The following HOXC4 variants were observed in gnomAD, a reference collection of about 807,000 sequenced individuals.
The protein encoded by HOXC4 is homeobox C4.
A neutral mutation model predicts 25.5 loss-of-function variants in HOXC4; 15 were observed. The observed-to-expected ratio is 0.59, with a 90% CI of 0.39 to 0.91. The LOEUF (loss-of-function observed/expected upper bound fraction) is 0.91, where lower values mean the gene tolerates loss of function less well. Ranked by LOEUF, HOXC4 falls within the 40% of genes least tolerant of loss-of-function variation. The pLI is 0.00. For synonymous variants in HOXC4, 165 were observed against 148.0 expected (o/e 1.11, Z -0.83); for missense variants, 342 against 352.4 (o/e 0.97, Z 0.24).
intron 1 of HOXC4, among the ~76,000 whole-genome samples, chr12:54,024,142 G>A (rs773753251): frequency 2.0e-5 from 3 of 152,188 alleles, no homozygotes; most frequent in Admixed American, 6.5e-5. Context: ...ACTGAAACTC[G>A]GCTTTCTCCG....
chr12:54,032,701 G>A (rs1002445805), intron 1 of HOXC4, among the ~76,000 whole-genome samples: 57 of 152,276 alleles, frequency 3.7e-4, no homozygotes, highest in African/African-American at 1.3e-3. Context: ...CCAGCCACCG[G>A]AAAGCAAGCT....
At chr12:54,042,593 A>C (rs1941293181) in intron 1 of HOXC4, among the ~76,000 whole-genome samples, 1 of 152,092 alleles carries the variant, frequency 6.6e-6, no homozygotes, top group Non-Finnish European at 1.5e-5. Context: ...CTGAAACATC[A>C]TTGTTCTAGG....
chr12:54,027,796 G>A (rs1345181220), intron 1 of HOXC4, among the ~76,000 whole-genome samples: 1 of 152,142 alleles, frequency 6.6e-6, no homozygotes, highest in Non-Finnish European at 1.5e-5. Context: ...CTGAAGTCTT[G>A]CCCCTTTAGA....
intron 1 of HOXC4, chr12:54,021,203 C>G (rs958171915): frequency 2.0e-5 from 3 of 152,272 alleles, no homozygotes. Flanking sequence ...CCCAGCCGGC[C>G]GCTCACCCCG....
At chr12:54,024,597 G>C (rs939230094) in intron 1 of HOXC4, among the ~76,000 whole-genome samples, 6 of 152,144 alleles carry the variant, frequency 3.9e-5, no homozygotes, top group Non-Finnish European at 8.8e-5. Flanking sequence ...ATTTCCCAGA[G>C]CTGAGTGGAA....
At chr12:54,025,674 G>C (rs563996173) in intron 1 of HOXC4, among the ~76,000 whole-genome samples, 196 of 151,946 alleles carry the variant, frequency 1.3e-3, no homozygotes, top group African/African-American at 4.5e-3. Context: ...ATTATAAATC[G>C]GCGAGACCTT....
chr12:54,035,827 T>C (rs1941173730), intron 1 of HOXC4, among the ~76,000 whole-genome samples: 1 of 152,030 alleles, frequency 6.6e-6, no homozygotes, highest in East Asian at 1.9e-4. Context: ...TTTGGTCTCA[T>C]AAGGGCCTCT....
chr12:54,029,048 C>G (rs899459501), intron 1 of HOXC4: 1 of 900,732 alleles, frequency 1.1e-6, no homozygotes, highest in Non-Finnish European at 1.6e-6. Context: ...GTCTCCTCAC[C>G]GAGACAGGGC....
chr12:54,032,243 C>T (rs1010583179), intron 1 of HOXC4, among the ~76,000 whole-genome samples: 1 of 152,186 alleles, frequency 6.6e-6, no homozygotes, highest in Admixed American at 6.5e-5. Flanking sequence ...CTCCTCACCT[C>T]CAGATCCATC....
chr12:54,024,572 C>A (rs982142416), intron 1 of HOXC4, among the ~76,000 whole-genome samples: 3 of 152,172 alleles, frequency 2.0e-5, no homozygotes, highest in African/African-American at 7.2e-5. Flanking sequence ...ATATCCCTCC[C>A]CAGGAAATTA....
At chr12:54,030,156 C>T (rs141463318) in intron 1 of HOXC4, 1 of 545,364 alleles carries the variant, frequency 1.8e-6, no homozygotes, top group Non-Finnish European at 3.2e-6. Flanking sequence ...TCTTTCACCA[C>T]GCGCCTCCTC....
chr12:54,038,281 T>G (rs1941220383), intron 1 of HOXC4, among the ~76,000 whole-genome samples: 1 of 152,178 alleles, frequency 6.6e-6, no homozygotes, highest in Non-Finnish European at 1.5e-5. Flanking sequence ...CTTGGTTGTT[T>G]AGAGATTTGC....
At chr12:54,045,964 GAAGA>G (rs527459879) in intron 1 of HOXC4, among the ~76,000 whole-genome samples, 55 of 152,274 alleles carry the variant, frequency 3.6e-4, no homozygotes, top group African/African-American at 1.3e-3. Context: ...AAGGGGGAGA[GAAGA>G]AAGGGGAGAG....
chr12:54,044,828 T>C (rs1251029906), intron 1 of HOXC4, among the ~76,000 whole-genome samples: 1 of 151,936 alleles, frequency 6.6e-6, no homozygotes, highest in Non-Finnish European at 1.5e-5. Flanking sequence ...TGATAATGAG[T>C]CTTCCCCTCC....
At chr12:54,029,269 A>C (rs1048074746) in intron 1 of HOXC4, among the ~76,000 whole-genome samples, 1 of 152,122 alleles carries the variant, frequency 6.6e-6, no homozygotes, top group Non-Finnish European at 1.5e-5. Context: ...AGTGGGGAGA[A>C]GTTTCCAAGG....
chr12:54,053,217 C>G (rs1259002074), upstream of HOXC4: 1 of 152,536 alleles, frequency 6.6e-6, no homozygotes, highest in Non-Finnish European at 1.5e-5. Context: ...CATCCCGCTG[C>G]CTCTACCTGC....
chr12:54,028,537 A>C, intron 1 of HOXC4: 8 of 1,614,058 alleles, frequency 5.0e-6, no homozygotes, highest in Non-Finnish European at 5.9e-6. Flanking sequence ...TTCCTACTTC[A>C]CTAACCCTTC....
chr12:54,054,956 C>A lies in HOXC4; in HGVS notation c.546C>A (p.Thr182=). ...AGTTTCATTACAACCGCTACCTGAC[C>A]CGAAGGAGAAGGATCGAGATCGCCC... is the stretch of plus-strand genomic sequence containing the variant. ...EKEFHYNRYL[T]RRRRIEIAHS... Residue 182 remains threonine, a synonymous_variant, in exon 2 of 2, where the codon ACC becomes ACA. Transcript: ENST00000430889. 1 of 1,614,032 alleles carries A rather than the reference C, an allele frequency of 6.2e-7. No individual in the cohort carries two copies. Among genetic ancestry groups the A allele is most frequent in the Non-Finnish European group, 8.5e-7 (1 of 1,180,014 alleles).
At chr12:54,033,304 T>G (rs1295363362) in intron 1 of HOXC4, 1 of 1,613,918 alleles carries the variant, frequency 6.2e-7, no homozygotes, top group Non-Finnish European at 8.5e-7. Context: ...CTCCACGGGG[T>G]AGACATGGCT....
Sources: allele counts gnomAD v4.1 joint callset (sites outside exome capture counted in the v4.1 genomes callset), GRCh38; gene constraint gnomAD v4.1.1; transcripts MANE v1.5; gene names NCBI Gene and HGNC (gene_info 2026-07-23, HGNC 2026-07-21).